LRRC28: variants seen among roughly 807,000 people sequenced by gnomAD.
LRRC28 encodes the protein leucine rich repeat containing 28.
A neutral mutation model predicts 45.7 loss-of-function variants in LRRC28; 39 were observed. The observed-to-expected ratio is 0.85, with a 90% CI of 0.66 to 1.12. The LOEUF is 1.12. LRRC28 is among the 50% of genes most tolerant of loss of function. LRRC28 has a pLI of 0.00. For synonymous variants in LRRC28, 206 were observed against 178.8 expected (o/e 1.15, Z -1.22); for missense variants, 435 against 438.5 (o/e 0.99, Z 0.07).
rs1346891437 is a variant in LRRC28, at chr15:99,388,146, A to G, written c.*2044A>G. On this transcript the variant is annotated 3_prime_UTR_variant, in exon 10 of 10. Transcript: ENST00000301981. ...AGTTTAACATAACCTCTACATGTATATAAGTTAGCTGGTGAAAATGTGGCA... is the reference window on the plus strand; with the variant it reads ...AGTTTAACATAACCTCTACATGTATGTAAGTTAGCTGGTGAAAATGTGGCA... 4 of 152,252 alleles carry G rather than the reference A, an allele frequency of 2.6e-5. No individual in the cohort carries two copies. The highest frequency in any genetic ancestry group is 4.4e-5 in the Non-Finnish European group (3 of 68,044). 9.4% of individuals were successfully genotyped at this position (152,252 alleles called of 1,614,324 possible).
chr15:99,284,790 T>G, intron 3 of LRRC28: 1 of 536,132 alleles, frequency 1.9e-6, no homozygotes, highest in Non-Finnish European at 3.7e-6. Context: ...ATTGCAATTG[T>G]CAAAATCATT....
At chr15:99,274,861 C>T (rs900612240) in intron 2 of LRRC28, among the ~76,000 whole-genome samples, 1 of 152,130 alleles carries the variant, frequency 6.6e-6, no homozygotes, top group Non-Finnish European at 1.5e-5. Context: ...GAAAGCTATA[C>T]AGAACTACTC....
chr15:99,267,697 C>T (rs1416215290), intron 2 of LRRC28, among the ~76,000 whole-genome samples: 1 of 152,214 alleles, frequency 6.6e-6, no homozygotes, highest in Non-Finnish European at 1.5e-5. Flanking sequence ...AGCCATTGCA[C>T]ATTTATCCTG....
intron 5 of LRRC28, among the ~76,000 whole-genome samples, chr15:99,295,873 A>AT (rs930224837): frequency 3.3e-5 from 5 of 151,926 alleles, no homozygotes; most frequent in Admixed American, 6.6e-5. Context: ...ATTTATTACC[A>AT]TTTTTTTCTT....
intron 6 of LRRC28, among the ~76,000 whole-genome samples, chr15:99,337,540 G>T (rs749318459): frequency 6.6e-6 from 1 of 152,238 alleles, no homozygotes; most frequent in Non-Finnish European, 1.5e-5. Flanking sequence ...AATCTTCAGT[G>T]CTGAGTTGAA....
chr15:99,258,638 A>G (rs1443819981), intron 2 of LRRC28: 5 of 753,320 alleles, frequency 6.6e-6, no homozygotes, highest in Non-Finnish European at 9.6e-6. Flanking sequence ...ATGATATCAA[A>G]CCAATATGGC....
chr15:99,269,603 A>G (rs142875925), intron 2 of LRRC28, among the ~76,000 whole-genome samples: 2 of 152,310 alleles, frequency 1.3e-5, no homozygotes, highest in African/African-American at 4.8e-5. Context: ...GGGTTTCACC[A>G]TGTTGGCCGG....
In LRRC28 at chr15:99,390,010, C is replaced by G. The variant is rs1317674333; in HGVS notation, c.*3908C>G. ...GCGCGCACCTGCAGTCCCAGCTACT[C>G]GGGAGGCTGAGGCAGGAGAATTGCT... is the stretch of plus-strand genomic sequence containing the variant. On this transcript the variant is annotated 3_prime_UTR_variant, in exon 10 of 10. Coordinates refer to ENST00000301981, the MANE Select transcript of LRRC28 (RefSeq NM_144598.5). The G allele has an allele frequency of 2.0e-5, 3 of 152,530 alleles. No homozygotes were observed. Among genetic ancestry groups the G allele is most frequent in the Non-Finnish European group, 2.9e-5 (2 of 68,386 alleles). 9.4% of individuals were successfully genotyped at this position (152,530 alleles called of 1,614,324 possible).
intron 5 of LRRC28, among the ~76,000 whole-genome samples, chr15:99,290,129 T>G (rs1211455040): frequency 6.6e-6 from 1 of 151,178 alleles, no homozygotes; most frequent in Non-Finnish European, 1.5e-5. Context: ...GTGGTGGCAT[T>G]GTGCCTATAG....
At chr15:99,269,528 C>T (rs138684108) in intron 2 of LRRC28, among the ~76,000 whole-genome samples, 33 of 152,168 alleles carry the variant, frequency 2.2e-4, no homozygotes, top group Admixed American at 1.4e-3. Flanking sequence ...CTCATCCTCC[C>T]GAGTAGCTGG....
At chr15:99,299,326 A>G (rs1279613478) in intron 5 of LRRC28, among the ~76,000 whole-genome samples, 3 of 152,172 alleles carry the variant, frequency 2.0e-5, no homozygotes, top group African/African-American at 7.2e-5. Context: ...TGATTTCAAT[A>G]TATTGTTTTG....
chr15:99,352,505 A>C, intron 7 of LRRC28, 34 bp downstream of exon 7: 2 of 1,520,616 alleles, frequency 1.3e-6, no homozygotes. Flanking sequence ...ACTAAAAAAT[A>C]GATTAACTAC....
chr15:99,258,092 G>A, intron 2 of LRRC28: 6 of 1,547,008 alleles, frequency 3.9e-6, no homozygotes, highest in Non-Finnish European at 4.5e-6. Context: ...GACCAGAGAA[G>A]AGTTGGTTAA....
chr15:99,364,402 A>C (rs1032105348), intron 9 of LRRC28, among the ~76,000 whole-genome samples: 2 of 152,284 alleles, frequency 1.3e-5, no homozygotes, highest in African/African-American at 4.8e-5. Flanking sequence ...CTGTTTTGCT[A>C]TATTTCACTT....
At position 99,256,005 on chromosome 15, in the gene LRRC28, G is replaced by C; in HGVS notation, c.48G>C (p.Lys16Asn). Reference sequence around the variant, plus strand: ...CGATCTCTGTGGCAAGGCTAGAAAAGCACAAGAATTTGTTCTTAAATTATA... The same window carrying C: ...CGATCTCTGTGGCAAGGCTAGAAAACCACAAGAATTTGTTCTTAAATTATA... ...CKTISVARLE[K>N]HKNLFLNYRN... The change falls in exon 2 of 10, where the codon AAG (lysine) becomes AAC (asparagine). Residue 16 changes from lysine (K) to asparagine (N), a missense_variant. Coordinates refer to ENST00000301981, the MANE Select transcript of LRRC28 (RefSeq NM_144598.5). 3.1e-6 allele frequency: 5 copies of C among 1,613,240 alleles called. No homozygotes were observed. Among genetic ancestry groups the C allele is most frequent in the Non-Finnish European group, 4.2e-6 (5 of 1,179,996 alleles).
chr15:99,342,985 T>C (rs1049588780), intron 6 of LRRC28, among the ~76,000 whole-genome samples: 1 of 152,210 alleles, frequency 6.6e-6, no homozygotes, highest in African/African-American at 2.4e-5. Context: ...GTTCTCTTTG[T>C]AAAAAGCATC....
chr15:99,276,148 T>C (rs2152174306), intron 2 of LRRC28, among the ~76,000 whole-genome samples: 1 of 152,110 alleles, frequency 6.6e-6, no homozygotes, highest in South Asian at 2.1e-4. Context: ...ACCATCTAGT[T>C]GCAGGAAAAC....
intron 5 of LRRC28, among the ~76,000 whole-genome samples, chr15:99,313,100 T>C (rs747917517): frequency 3.3e-5 from 5 of 152,074 alleles, no homozygotes; most frequent in Non-Finnish European, 7.4e-5. Context: ...GAAAAAGATA[T>C]ACCTTGCAAA....
intron 2 of LRRC28, among the ~76,000 whole-genome samples, chr15:99,262,772 C>T (rs2081232578): frequency 2.6e-5 from 4 of 151,604 alleles, no homozygotes; most frequent in Admixed American, 2.6e-4. Context: ...GCTTCCTGAG[C>T]AGCTGGGACT....
Sources: gnomAD v4.1 joint callset for allele counts (sites outside exome capture counted in the v4.1 genomes callset) on GRCh38, gnomAD v4.1.1 for gene constraint, MANE v1.5 for transcripts, NCBI Gene and HGNC (gene_info 2026-07-23, HGNC 2026-07-21) for gene names.